Variants in PARM1 observed in about 807,000 individuals in gnomAD.
PARM1 encodes prostate androgen-regulated mucin-like protein 1.
Under a neutral mutation model 24.6 loss-of-function variants are expected in PARM1, and 14 were observed. That is an observed-to-expected ratio of 0.57 (90% confidence interval 0.38 to 0.89). The LOEUF (loss-of-function observed/expected upper bound fraction) is 0.89. PARM1 is among the 40% of genes least tolerant of loss of function. The pLI is 0.00. For missense variants in PARM1, 362 were observed against 380.4 expected (o/e 0.95, Z 0.40); for synonymous variants, 179 against 156.6 (o/e 1.14, Z -1.07).
chr4:74,950,324 A>T (rs1241129350), intron 1 of PARM1, among the ~76,000 whole-genome samples: 4 of 152,078 alleles, frequency 2.6e-5, no homozygotes, highest in African/African-American at 9.7e-5. Flanking sequence ...CCAGGGGAGG[A>T]TTCCTCCTTG....
At chr4:75,037,485 T>C (rs1215672219) in intron 3 of PARM1, among the ~76,000 whole-genome samples, 1 of 152,212 alleles carries the variant, frequency 6.6e-6, no homozygotes, top group Admixed American at 6.5e-5. Flanking sequence ...TCTAAAGGCA[T>C]TGTAAACTTA....
intron 3 of PARM1, among the ~76,000 whole-genome samples, chr4:75,038,418 T>A (rs1016853401): frequency 3.9e-5 from 6 of 152,210 alleles, no homozygotes; most frequent in African/African-American, 1.4e-4. Flanking sequence ...AAATAGGGAC[T>A]CAGTAAACTG....
chr4:74,934,303 G>A (rs1721130276), intron 1 of PARM1, among the ~76,000 whole-genome samples: 1 of 152,194 alleles, frequency 6.6e-6, no homozygotes, highest in Non-Finnish European at 1.5e-5. Context: ...AAAGTAGCCC[G>A]ACTGCGCGGC....
rs200120426 is a variant in PARM1, at chr4:75,012,781, G to C, written c.400G>C (p.Val134Leu). Residue 134 changes from valine (V) to leucine (L), a missense_variant, in exon 2 of 4, where the codon GTG becomes CTG. By Grantham distance (32) the Val-to-Leu change is conservative. Transcript: ENST00000307428. The stretch of plus-strand genomic sequence containing the variant: ...CAGCTCGGGCACTCCTGAAGCAGGC[G>C]TGGCAGCTACACTGTCGCAGTCCGC... Reference protein sequence around the residue: ...EHSSGTPEAGVAATLSQSAAE... With the variant: ...EHSSGTPEAGLAATLSQSAAE... 10 of 1,613,840 alleles carry C rather than the reference G, an allele frequency of 6.2e-6. No homozygotes were observed. In the African/African-American group the frequency reaches 1.3e-4, roughly 22 times the overall value.
chr4:74,943,681 G>A (rs1008455395), intron 1 of PARM1, among the ~76,000 whole-genome samples: 3 of 152,224 alleles, frequency 2.0e-5, no homozygotes, highest in Non-Finnish European at 4.4e-5. Context: ...GGACAATTAA[G>A]AAAATGTCAC....
Position 75,049,805 on chromosome 4 carries a change from A to C in PARM1, c.*3558A>C, listed in dbSNP as rs1419261349. The C allele has an allele frequency of 6.6e-6, 1 of 151,690 alleles. No homozygotes were observed. Among genetic ancestry groups the C allele is most frequent in the Non-Finnish European group, 1.5e-5 (1 of 67,954 alleles). 9.4% of individuals were successfully genotyped at this position (151,690 alleles called of 1,614,324 possible). ...CTCACATCCAGGAAATGAATTTTGC[A>C]ATTGGGCCAGATGCTAATTTGCACG... On this transcript the variant is annotated 3_prime_UTR_variant, in exon 4 of 4. Transcript: ENST00000307428.
rs1244065045 is a variant in PARM1 at position 74,937,101 on chromosome 4, A to G, written c.43+3731A>G. 2.6e-5 allele frequency among the ~76,000 whole-genome samples: 4 copies of G among 152,236 alleles called. No homozygotes were observed. In the South Asian group the frequency reaches 8.3e-4, roughly 32 times the overall value. On this transcript the variant is annotated intron_variant, in intron 1 of 3. Coordinates refer to ENST00000307428, the MANE Select transcript of PARM1 (RefSeq NM_015393.4). ...TCTGGTAGATACCTCTTCTCCAGGT[A>G]ACTAACATCTAAAATGTCCTTATCC... is the stretch of plus-strand genomic sequence containing the variant.
chr4:74,933,299 C>T lies in PARM1; in HGVS notation c.-29C>T, dbSNP rs1435888112. Reference sequence around the variant, plus strand: ...GTCCGCAAACTCCTTGCCGCCCGCCCCGGGCTGGGCACCAAATACCAGGCT... The same window carrying T: ...GTCCGCAAACTCCTTGCCGCCCGCCTCGGGCTGGGCACCAAATACCAGGCT... On this transcript the variant is annotated 5_prime_UTR_variant, in exon 1 of 4. Transcript: ENST00000307428. 1 of 1,606,122 alleles carries T rather than the reference C, an allele frequency of 6.2e-7. No individual in the cohort carries two copies. Among genetic ancestry groups the T allele is most frequent in the Non-Finnish European group, 8.5e-7 (1 of 1,175,766 alleles).
chr4:74,970,093 C>T (rs1721996209), intron 1 of PARM1: 1 of 152,176 alleles, frequency 6.6e-6, no homozygotes, highest in Non-Finnish European at 1.5e-5. Flanking sequence ...GTCATCTAGT[C>T]ACGATGCAGA....
chr4:75,043,299 T>A (rs755345724), intron 3 of PARM1, among the ~76,000 whole-genome samples: 44 of 152,206 alleles, frequency 2.9e-4, no homozygotes, highest in South Asian at 6.2e-4. Context: ...TGTATAAGAT[T>A]TATTATATTA....
intron 3 of PARM1, among the ~76,000 whole-genome samples, chr4:75,044,677 T>G (rs1723563536): frequency 1.3e-5 from 2 of 152,232 alleles, no homozygotes; most frequent in Admixed American, 6.5e-5. Flanking sequence ...GTTGAAAACT[T>G]AAATTGAATT....
intron 1 of PARM1, among the ~76,000 whole-genome samples, chr4:74,948,991 C>T (rs982844141): frequency 6.6e-6 from 1 of 152,060 alleles, no homozygotes; most frequent in Non-Finnish European, 1.5e-5. Flanking sequence ...CACTGCACTC[C>T]AGCCTCGGCG....
intron 1 of PARM1, chr4:74,966,744 C>G (rs1201618767): frequency 6.6e-6 from 1 of 152,224 alleles, no homozygotes; most frequent in Admixed American, 6.5e-5. Context: ...CCACATTCAC[C>G]TCATAGCTTG....
intron 1 of PARM1, among the ~76,000 whole-genome samples, chr4:74,937,732 A>G (rs1279470513): frequency 6.6e-6 from 1 of 152,228 alleles, no homozygotes; most frequent in Non-Finnish European, 1.5e-5. Context: ...CATCCTCTCC[A>G]AAAGCAGAGT....
At chr4:75,035,058 A>G (rs1560799383) in intron 3 of PARM1, among the ~76,000 whole-genome samples, 1 of 152,056 alleles carries the variant, frequency 6.6e-6, no homozygotes, top group East Asian at 1.9e-4. Context: ...AGACCCTGCA[A>G]TCTTGCTACT....
chr4:75,015,711 TGAA>T (rs1208903959), intron 2 of PARM1, among the ~76,000 whole-genome samples: 2 of 152,184 alleles, frequency 1.3e-5, no homozygotes, highest in East Asian at 3.9e-4. Context: ...ACTTCAAAGG[TGAA>T]GAAACTGTGT....
chr4:74,934,777 GTAC>G (rs1721142262), intron 1 of PARM1, among the ~76,000 whole-genome samples: 1 of 152,170 alleles, frequency 6.6e-6, no homozygotes, highest in African/African-American at 2.4e-5. Context: ...GACACGGAAG[GTAC>G]CTTTACTTCT....
intron 1 of PARM1, among the ~76,000 whole-genome samples, chr4:74,947,481 A>G (rs1721433404): frequency 6.6e-6 from 1 of 152,218 alleles, no homozygotes; most frequent in Admixed American, 6.5e-5. Flanking sequence ...CCTGAATCAA[A>G]CCAAAACTGC....
At chr4:75,040,405 G>C (rs1009995803) in intron 3 of PARM1, among the ~76,000 whole-genome samples, 4 of 151,978 alleles carry the variant, frequency 2.6e-5, no homozygotes, top group African/African-American at 9.7e-5. Flanking sequence ...AGATATGCTT[G>C]AAAGTAACAG....
Sources: allele counts gnomAD v4.1 joint callset (sites outside exome capture counted in the v4.1 genomes callset), GRCh38; gene constraint gnomAD v4.1.1; transcripts MANE v1.5; gene names NCBI Gene and HGNC (gene_info 2026-07-23, HGNC 2026-07-21).